MYH7B: variants seen among roughly 807,000 people sequenced by gnomAD.
MYH7B encodes the protein myosin heavy chain 7B, also known as myosin-7B.
Under a neutral mutation model 234.5 loss-of-function variants are expected in MYH7B, and 205 were observed. The ratio of observed to expected loss-of-function variants is 0.87; its 90% CI spans 0.78 to 0.98. The LOEUF (loss-of-function observed/expected upper bound fraction) is 0.98. MYH7B is among the 50% of genes least tolerant of loss of function. The pLI, the probability that MYH7B is intolerant of heterozygous loss-of-function variation, is 0.00. For missense variants in MYH7B, 2,652 were observed against 2,633.4 expected (o/e 1.01, Z -0.15); for synonymous variants, 1,193 against 1,105.0 (o/e 1.08, Z -1.58).
chr20:35,001,834 A>G (rs531890996), intron 43 of MYH7B, 114 bp from the exon 44 acceptor site: 1 of 1,474,480 alleles, frequency 6.8e-7, no homozygotes, highest in African/African-American at 1.4e-5. Flanking sequence ...GACAGTGGCA[A>G]TAGGAACAAA....
chr20:34,996,222 C>T (rs1465349761), intron 28 of MYH7B, 124 bp from the exon 29 acceptor site: 3 of 1,142,232 alleles, frequency 2.6e-6, no homozygotes, highest in Non-Finnish European at 3.7e-6. Flanking sequence ...GGTGGAGGCT[C>T]GGAGTCAAGT....
chr20:34,958,077 G>A (rs2081658592), intron 1 of MYH7B, among the ~76,000 whole-genome samples, 21 bp from the exon 2 acceptor site: 1 of 152,228 alleles, frequency 6.6e-6, no homozygotes, highest in African/African-American at 2.4e-5. Flanking sequence ...TCAAAAGCAT[G>A]ACCCAGGGTT....
rs567486786 is a variant in MYH7B at position 34,982,362 on chromosome 20, A to C, written c.528-97A>C. ...CCTTGGGGGTTTCAAGCTGGGGGGA[A>C]GGAGAGGTGGAGGGCTCTGCTTGAG... is the stretch of plus-strand genomic sequence containing the variant. On this transcript the variant is annotated intron_variant, in intron 9 of 44. Coordinates refer to ENST00000262873, the Ensembl canonical transcript of MYH7B. The C allele has an allele frequency of 1.2e-4, 113 of 962,376 alleles. No homozygotes were observed. The South Asian group carries it at 1.4e-3, about 12-fold the overall frequency. 59.6% of individuals were successfully genotyped at this position (962,376 alleles called of 1,614,324 possible).
At chr20:34,958,464 G>A (rs971532891) in intron 2 of MYH7B, among the ~76,000 whole-genome samples, 7 of 151,876 alleles carry the variant, frequency 4.6e-5, no homozygotes, top group African/African-American at 1.5e-4. Flanking sequence ...AGTCTATCAC[G>A]TTATCCTTTT....
exon 41 of MYH7B, chr20:35,001,048 A>G: frequency 6.2e-7 from 1 of 1,613,898 alleles, no homozygotes; most frequent in Admixed American, 1.7e-5. Flanking sequence ...CCTGGAACGG[A>G]TGAAGAAGAC....
chr20:34,965,202 T>G (rs1200337180), intron 2 of MYH7B, among the ~76,000 whole-genome samples: 1 of 152,132 alleles, frequency 6.6e-6, no homozygotes, highest in Admixed American at 6.6e-5. Context: ...CATTCCTGTT[T>G]TATAGATGAG....
At chr20:34,957,490 T>TTTC (rs1037586033) in intron 1 of MYH7B, among the ~76,000 whole-genome samples, 1 of 144,158 alleles carries the variant, frequency 6.9e-6, no homozygotes, top group East Asian at 2.0e-4. Flanking sequence ...GACTCTTTTT[T>TTTC]TTTTTTTTTT....
intron 4 of MYH7B, 54 bp downstream of exon 4, chr20:34,977,734 G>A: frequency 1.6e-6 from 1 of 615,542 alleles, no homozygotes; most frequent in Non-Finnish European, 2.8e-6. Flanking sequence ...GGGTGGGCGG[G>A]TGGGTGAGGG....
chr20:34,978,337 C>T (rs1315041768), intron 5 of MYH7B, among the ~76,000 whole-genome samples: 2 of 152,140 alleles, frequency 1.3e-5, no homozygotes, highest in Non-Finnish European at 2.9e-5. Context: ...GATAATAGCA[C>T]CTGCCTTCCG....
chr20:34,978,313 C>G (rs750726684), intron 5 of MYH7B, among the ~76,000 whole-genome samples: 13 of 152,126 alleles, frequency 8.5e-5, no homozygotes, highest in Non-Finnish European at 1.3e-4. Flanking sequence ...TTGGTTTGTT[C>G]CCCTGTGAAA....
intron 10 of MYH7B, among the ~76,000 whole-genome samples, chr20:34,983,009 T>C (rs965468510): frequency 3.3e-5 from 5 of 152,214 alleles, no homozygotes; most frequent in Non-Finnish European, 7.3e-5. Context: ...TTGTGCCTTG[T>C]GATTTCTGTA....
intron 21 of MYH7B, 39 bp from the exon 22 acceptor site, chr20:34,990,195 G>A (rs778951421): frequency 2.7e-5 from 44 of 1,614,002 alleles, no homozygotes; most frequent in African/African-American, 1.1e-4. Context: ...CCCACAGAGC[G>A]ACATTCCCTG....
At chr20:34,985,705 G>A (rs147346295) in intron 13 of MYH7B, among the ~76,000 whole-genome samples, 128 of 152,242 alleles carry the variant, frequency 8.4e-4, no homozygotes, top group African/African-American at 2.6e-3. Context: ...ACGGATGAGC[G>A]CAGGCAGGCA....
At chr20:34,984,643 TC>T in intron 10 of MYH7B, 48 bp from the exon 11 acceptor site, 1 of 1,564,258 alleles carries the variant, frequency 6.4e-7, no homozygotes, top group South Asian at 1.1e-5. Flanking sequence ...ACCCCGCCCT[TC>T]CCCACCGGAG....
exon 34 of MYH7B, chr20:34,998,554 T>G (rs1569061612): frequency 6.2e-7 from 1 of 1,613,650 alleles, no homozygotes; most frequent in East Asian, 2.2e-5. Context: ...GTCTGATCAG[T>G]CAGCTGAGCC....
At position 34,980,114 on chromosome 20, in the gene MYH7B, C is replaced by T. The variant is rs2081920706; in HGVS notation, c.342+310C>T. ...GTGTGGGCTGGGGCAGGGCTGTGAG[C>T]ACAAGTCAGGGGTGAGGCCAGGACG... On this transcript the variant is annotated intron_variant, in intron 7 of 44. Coordinates refer to ENST00000262873, the Ensembl canonical transcript of MYH7B. 25 of 448,740 alleles carry T rather than the reference C, an allele frequency of 5.6e-5. No homozygotes were observed. The South Asian group carries it at 6.3e-4, about 11-fold the overall frequency. The allele number at this position is 448,740 out of a possible 1,614,324, so 27.8% of individuals were successfully genotyped here. A position where few individuals can be genotyped will look rare whatever the true frequency, so the allele number is the denominator to read the frequency against.
rs752915311 is a variant in MYH7B at position 34,987,542 on chromosome 20, C to T, written c.1148-15C>T. The T allele has an allele frequency of 5.3e-6, 8 of 1,511,708 alleles. No individual in the cohort carries two copies. In the East Asian group the frequency reaches 1.2e-4, roughly 23 times the overall value. The allele number at this position is 1,511,708 out of a possible 1,614,324, so 93.6% of individuals were successfully genotyped here. A position where few individuals can be genotyped will look rare whatever the true frequency, so the allele number is the denominator to read the frequency against. On this transcript the variant is annotated splice_polypyrimidine_tract_variant and intron_variant, in intron 16 of 44. Transcript: ENST00000262873. ...GGTGGTGTCCTCCTCCCTTACCCCA[C>T]TCGTGCCCTGCCAGGTGCTGACAAG...
intron 19 of MYH7B, among the ~76,000 whole-genome samples, chr20:34,988,620 C>A (rs891024685): frequency 5.3e-5 from 8 of 151,972 alleles, no homozygotes; most frequent in Non-Finnish European, 1.0e-4. Context: ...CTAGAACTGC[C>A]CTGGGTGCAG....
chr20:34,984,906 G>C lies in MYH7B; in HGVS notation c.701G>C (p.Gly234Ala), dbSNP rs770823854. 42 of 1,613,968 alleles carry C rather than the reference G, an allele frequency of 2.6e-5. No homozygotes were observed. The Admixed American group carries it at 4.7e-4, about 18-fold the overall frequency. The change falls in exon 12 of 45, where the codon GGC becomes GCC. Residue 234 changes from glycine (G) to alanine (A), a missense_variant. Physicochemically the swap from Gly to Ala is moderately conservative, Grantham distance 60. Transcript: ENST00000262873. ...GCCAACCCTGCCATGGAGGCCTTTG[G>C]CAACGCCAAGACCCTGAGGAATGAT...
Sources: allele counts gnomAD v4.1 joint callset (sites outside exome capture counted in the v4.1 genomes callset), GRCh38; gene constraint gnomAD v4.1.1; transcripts MANE v1.5; gene names NCBI Gene and HGNC (gene_info 2026-07-23, HGNC 2026-07-21).